LUC7L: variants seen among roughly 807,000 people sequenced by gnomAD.
LUC7L encodes the protein LUC7 like.
LUC7L carries 29 observed loss-of-function variants against 51.1 expected under a neutral mutation model. That is an observed-to-expected ratio of 0.57 (90% CI 0.42 to 0.77). The LOEUF (loss-of-function observed/expected upper bound fraction) is 0.77. Ranked by LOEUF, LUC7L falls within the 30% of genes least tolerant of loss-of-function variation. The probability of loss-of-function intolerance (pLI) is 0.00; values close to 1 mark genes in which losing one functional copy is unlikely to be tolerated. For synonymous variants in LUC7L, 181 were observed against 180.7 expected (o/e 1.00, Z -0.01); for missense variants, 403 against 511.9 (o/e 0.79, Z 2.05).
rs371785625 is a variant in LUC7L at position 205,259 on chromosome 16, C to G, written c.510+745G>C. On this transcript the variant is annotated intron_variant, in intron 5 of 9. Transcript: ENST00000293872. ...AAAAGTCCTAGGATTAAGGGATCCT[C>G]TCATCTCAGCCTCCCGAACAGCTGA... 5.9e-5 allele frequency among the ~76,000 whole-genome samples: 9 copies of G among 152,156 alleles called. No individual in the cohort carries two copies. In the East Asian group the frequency reaches 1.5e-3, roughly 26 times the overall value.
At chr16:221,186 A>ATTTTTTTTTTTT (rs372906826) in intron 2 of LUC7L, among the ~76,000 whole-genome samples, 56 of 101,242 alleles carry the variant, frequency 5.5e-4, no homozygotes, top group Non-Finnish European at 6.7e-4. Context: ...CACCCAGCTA[A>ATTTTTTTTTTTT]TTTTTTTTTT....
At chr16:199,757 A>C (rs2049267851) in intron 5 of LUC7L, among the ~76,000 whole-genome samples, 1 of 12,924 alleles carries the variant, frequency 7.7e-5, no homozygotes, top group African/African-American at 1.0e-3. Context: ...ACCCTGTCTC[A>C]AAAAAAAAAA....
At chr16:221,147 G>C (rs1233910008) in intron 2 of LUC7L, among the ~76,000 whole-genome samples, 1 of 145,722 alleles carries the variant, frequency 6.9e-6, no homozygotes, top group Admixed American at 6.9e-5. Flanking sequence ...ATTCTCCCAA[G>C]TAGCTGGGAT....
chr16:214,776 C>G (rs2142093453), intron 3 of LUC7L, among the ~76,000 whole-genome samples: 1 of 152,288 alleles, frequency 6.6e-6, no homozygotes, highest in Non-Finnish European at 1.5e-5. Context: ...CCCACCCACC[C>G]TAGTCTCCCA....
At chr16:203,220 G>C (rs1340053325) in intron 5 of LUC7L, among the ~76,000 whole-genome samples, 3 of 152,182 alleles carry the variant, frequency 2.0e-5, no homozygotes, top group Admixed American at 1.3e-4. Context: ...TGATCTGAAT[G>C]AATCTGTATA....
Position 208,086 on chromosome 16 carries a change from A to C in LUC7L, c.358T>G (p.Ser120Ala). ...AAGCCACCCAAGCATACCTTTGCAGAAACTTCCGCACTGATTTCCTCCTGT... is the reference window on the plus strand; with the variant it reads ...AAGCCACCCAAGCATACCTTTGCAGCAACTTCCGCACTGATTTCCTCCTGT... ...ETQEEISAEV[S>A]AKAEKVHELN... The change falls in exon 4 of 10, where the codon TCT becomes GCT. Residue 120 changes from serine to alanine, a missense_variant. Physicochemically the swap from Ser to Ala is moderately conservative, Grantham distance 99. Around this residue, in one of 3 missense-constraint regions of LUC7L, gnomAD observed 182 missense variants for 248.4 expected, o/e 0.73. Coordinates refer to ENST00000293872, the MANE Select transcript of LUC7L (RefSeq NM_201412.3). The C allele has an allele frequency of 6.2e-7, 1 of 1,608,418 alleles. No individual in the cohort carries two copies. The highest frequency in any genetic ancestry group is 8.5e-7 in the Non-Finnish European group (1 of 1,178,106).
rs547851024 is a variant in LUC7L at position 208,204 on chromosome 16, C to T, written c.256-16G>A. The T allele has an allele frequency of 1.3e-5, 20 of 1,550,460 alleles. No homozygotes were observed. Among genetic ancestry groups the T allele is most frequent in the Middle Eastern group, 1.7e-4 (1 of 5,958 alleles). The stretch of plus-strand genomic sequence containing the variant: ...GATCCATTGCCTAGCACGGGAAAAG[C>T]ACAGCGCTATAATCAATGATGTGTA... On this transcript the variant is annotated splice_polypyrimidine_tract_variant and intron_variant, in intron 3 of 9. Transcript: ENST00000293872.
chr16:223,553 G>A lies in LUC7L; in HGVS notation c.157-2806C>T, dbSNP rs62032206. ...TACTCTGAAGTCAGATGGGACTCAC[G>A]TTATGGTCGGTTACATAGAAGACTT... is the stretch of plus-strand genomic sequence containing the variant. On this transcript the variant is annotated intron_variant, in intron 2 of 9. Coordinates refer to ENST00000293872, the MANE Select transcript of LUC7L (RefSeq NM_201412.3). 5.6e-4 allele frequency among the ~76,000 whole-genome samples: 85 copies of A among 152,128 alleles called. 1 individual carries two copies. Among genetic ancestry groups the A allele is most frequent in the Non-Finnish European group, 1.1e-3 (74 of 68,028 alleles).
At chr16:190,677 G>GGAGACCA (rs2142033552) in intron 7 of LUC7L, 107 bp from the exon 8 acceptor site, 1 of 980,666 alleles carries the variant, frequency 1.0e-6, no homozygotes, top group East Asian at 2.4e-5. Context: ...GTCACGAGCT[G>GGAGACCA]GAGACCAGCC....
At chr16:190,598 G>A (rs764359390) in intron 7 of LUC7L, 28 bp from the exon 8 acceptor site, 2 of 1,610,960 alleles carry the variant, frequency 1.2e-6, no homozygotes, top group South Asian at 1.1e-5. Flanking sequence ...AGATGAACAA[G>A]GCCAGGCATG....
Position 189,990 on chromosome 16 carries a change from G to A in LUC7L, c.952C>T (p.Arg318Trp), listed in dbSNP as rs761609591. 19 of 1,613,256 alleles carry A rather than the reference G, an allele frequency of 1.2e-5. No individual in the cohort carries two copies. In the East Asian group the frequency reaches 1.3e-4, roughly 11 times the overall value. The change falls in exon 9 of 10, where the codon CGG becomes TGG. Residue 318 changes from arginine to tryptophan, a missense_variant. Around this residue, in one of 3 missense-constraint regions of LUC7L, gnomAD observed 206 missense variants for 218.3 expected, o/e 0.94. Transcript: ENST00000293872. ...TACTTGTATTTCGCACTTCGGTCCC[G>A]GGAAGCCCGACGATGTCCCCGGCTG... ...SHSRGHRRAS[R>W]DRSAKYKFSR...
chr16:225,307 G>A (rs2050099307), intron 2 of LUC7L, among the ~76,000 whole-genome samples: 1 of 151,824 alleles, frequency 6.6e-6, no homozygotes, highest in African/African-American at 2.4e-5. Flanking sequence ...TCAACATGGT[G>A]AAACCCCGTC....
Position 193,338 on chromosome 16 carries a change from G to C in LUC7L, c.688-323C>G, listed in dbSNP as rs564146073. On this transcript the variant is annotated intron_variant, in intron 6 of 9. Transcript: ENST00000293872. ...ATTTTTGTATTTTTAGTAGAGATGG[G>C]GTTTCACCATGTTGGCCAGGATGGT... 9.2e-5 allele frequency among the ~76,000 whole-genome samples: 14 copies of C among 151,910 alleles called. No homozygotes were observed. The East Asian group carries it at 2.7e-3, about 29-fold the overall frequency.
intron 3 of LUC7L, among the ~76,000 whole-genome samples, chr16:215,533 T>G (rs1332090067): frequency 3.3e-5 from 5 of 149,598 alleles, no homozygotes; most frequent in South Asian, 2.1e-4. Context: ...GGTAGGAGAG[T>G]TGCTTGAACC....
At chr16:222,667 T>C (rs1053042672) in intron 2 of LUC7L, among the ~76,000 whole-genome samples, 6 of 151,246 alleles carry the variant, frequency 4.0e-5, no homozygotes, top group African/African-American at 1.5e-4. Flanking sequence ...AGATGGAGTT[T>C]CGCTCTTGTT....
chr16:222,082 A>T (rs573346329), intron 2 of LUC7L, among the ~76,000 whole-genome samples: 1 of 152,334 alleles, frequency 6.6e-6, no homozygotes, highest in East Asian at 1.9e-4. Context: ...GTTGTCAGTA[A>T]GAACAGCATG....
At chr16:191,946 G>A (rs936918604) in intron 7 of LUC7L, among the ~76,000 whole-genome samples, 2 of 152,182 alleles carry the variant, frequency 1.3e-5, no homozygotes, top group African/African-American at 4.8e-5. Flanking sequence ...TCTCCAGGAG[G>A]ATGTGGATAC....
rs570762131 is a variant in LUC7L at position 200,589 on chromosome 16, AT to A, written c.511-1352del. Among the ~76,000 whole-genome samples the A allele has an allele frequency of 2.0e-3, 306 of 152,026 alleles. 1 individual carries two copies. The highest frequency in any genetic ancestry group is 3.2e-3 in the Non-Finnish European group (218 of 67,966). On this transcript the variant is annotated intron_variant, in intron 5 of 9. Transcript: ENST00000293872. ...AAACTCCAAAAAGGAAAAAAAAAAA[AT>A]TGTATTCCAGGCCTGGTGTAGTGAC... is the stretch of plus-strand genomic sequence containing the variant.
chr16:227,937 A>C, intron 1 of LUC7L: 1 of 1,003,950 alleles, frequency 1.0e-6, no homozygotes, highest in Non-Finnish European at 1.2e-6. Flanking sequence ...AAAAGCAAAA[A>C]AGGAACTAGG....
Sources: allele counts gnomAD v4.1 joint callset (sites outside exome capture counted in the v4.1 genomes callset), GRCh38; gene constraint gnomAD v4.1.1; regional missense constraint gnomAD v4.1.1; transcripts MANE v1.5; gene names NCBI Gene and HGNC (gene_info 2026-07-23, HGNC 2026-07-21).